Variants in PAPOLG observed in about 807,000 individuals in gnomAD.
PAPOLG encodes poly(A) polymerase gamma, also known as PAP-gamma.
In PAPOLG, 40 loss-of-function variants were observed where a neutral mutation model predicts 99.0. The ratio of observed to expected loss-of-function variants is 0.40; its 90% confidence interval spans 0.31 to 0.53. The LOEUF is 0.53. PAPOLG is among the 20% of genes least tolerant of loss of function. The pLI is 0.41. For missense variants in PAPOLG, 675 were observed against 884.1 expected (o/e 0.76, Z 3.00); for synonymous variants, 310 against 299.3 (o/e 1.04, Z -0.37).
rs370870316 is a variant in PAPOLG at position 60,759,616 on chromosome 2, C to T, written c.18-518C>T. ...AAGCAGAGGATGTTAACCTCGGTTTCCCAAGGACAAATCTAATTGTGATTT... is the reference window on the plus strand; with the variant it reads ...AAGCAGAGGATGTTAACCTCGGTTTTCCAAGGACAAATCTAATTGTGATTT... On this transcript the variant is annotated intron_variant, in intron 1 of 21. Transcript: ENST00000238714. 1.9e-3 allele frequency among the ~76,000 whole-genome samples: 296 copies of T among 152,252 alleles called. 10 individuals are homozygous for T. In the South Asian group the frequency reaches 0.055, roughly 28 times the overall value.
intron 3 of PAPOLG, among the ~76,000 whole-genome samples, chr2:60,764,996 AAT>A (rs1381914371): frequency 6.6e-6 from 1 of 152,240 alleles, no homozygotes; most frequent in African/African-American, 2.4e-5. Flanking sequence ...AGTCAAAAAA[AAT>A]AAAGTTAGTT....
intron 11 of PAPOLG, among the ~76,000 whole-genome samples, chr2:60,782,369 C>A (rs1188420242): frequency 6.6e-6 from 1 of 152,020 alleles, no homozygotes; most frequent in East Asian, 1.9e-4. Flanking sequence ...GAGTTCAAGA[C>A]CAGCCTAGCC....
rs955422506 is a variant in PAPOLG at position 60,774,919 on chromosome 2, C to T, written c.605-115C>T. ...AATTTCATACACATAAAATAAGCCC[C>T]AATGTTTTATTATCTTTCATATTTT... On this transcript the variant is annotated intron_variant, in intron 7 of 21. Transcript: ENST00000238714. The T allele has an allele frequency of 4.0e-6, 6 of 1,492,640 alleles. No homozygotes were observed. The Admixed American group carries it at 7.3e-5, about 18-fold the overall frequency. The allele number at this position is 1,492,640 out of a possible 1,614,324, so 92.5% of individuals were successfully genotyped here.
At chr2:60,758,941 G>T (rs903965666) in intron 1 of PAPOLG, among the ~76,000 whole-genome samples, 6 of 152,196 alleles carry the variant, frequency 3.9e-5, no homozygotes, top group Non-Finnish European at 8.8e-5. Flanking sequence ...TGGAAGCATG[G>T]TGAAGATAAA....
chr2:60,795,870 A>G (rs1400259875), intron 21 of PAPOLG, among the ~76,000 whole-genome samples: 1 of 152,124 alleles, frequency 6.6e-6, no homozygotes, highest in Non-Finnish European at 1.5e-5. Context: ...ACGTATAATT[A>G]TGTGTCATGG....
intron 15 of PAPOLG, 26 bp from the exon 16 acceptor site, chr2:60,791,735 C>T (rs779423770): frequency 6.4e-6 from 10 of 1,568,822 alleles, no homozygotes; most frequent in Non-Finnish European, 8.6e-6. Flanking sequence ...AGAAGTTTCC[C>T]ATTTAACATA....
chr2:60,786,555 G>C (rs1671367982), intron 13 of PAPOLG, among the ~76,000 whole-genome samples: 1 of 148,012 alleles, frequency 6.8e-6, no homozygotes, highest in South Asian at 2.2e-4. Context: ...TTGAGACGGA[G>C]TCTTGCTCTG....
intron 13 of PAPOLG, among the ~76,000 whole-genome samples, chr2:60,784,878 C>T (rs528843532): frequency 2.3e-3 from 347 of 152,244 alleles, no homozygotes; most frequent in African/African-American, 7.8e-3. Flanking sequence ...TTTGCCAACC[C>T]GTCATTTAGA....
chr2:60,793,721 T>TC lies in PAPOLG; in HGVS notation c.1768+6_1768+7insC, dbSNP rs1409882503. 1.2e-6 allele frequency: 2 copies of TC among 1,611,328 alleles called. No homozygotes were observed. Among genetic ancestry groups the TC allele is most frequent in the South Asian group, 2.2e-5 (2 of 90,588 alleles). ...CATTCCAGTGATTGGCGCAAGTAGG[T>TC]ATCTAAACTTGTATATATTAATAAT... On this transcript the variant is annotated splice_region_variant and intron_variant, in intron 18 of 21. Coordinates refer to ENST00000238714, the MANE Select transcript of PAPOLG (RefSeq NM_022894.4).
rs1671600403 is a variant in PAPOLG at position 60,793,321 on chromosome 2, C to T, written c.1680-306C>T. Among the ~76,000 whole-genome samples the T allele has an allele frequency of 2.0e-5, 3 of 151,002 alleles. No homozygotes were observed. The South Asian group carries it at 6.3e-4, about 32-fold the overall frequency. On this transcript the variant is annotated intron_variant, in intron 17 of 21. Transcript: ENST00000238714. Reference sequence around the variant, plus strand: ...TCTATAATTTCAGCACTTTGGGAGGCTGAGGCAGGAGGATTGCTTGAGCCT... The same window carrying T: ...TCTATAATTTCAGCACTTTGGGAGGTTGAGGCAGGAGGATTGCTTGAGCCT...
intron 1 of PAPOLG, among the ~76,000 whole-genome samples, chr2:60,759,298 G>T (rs1276155684): frequency 6.6e-6 from 1 of 151,870 alleles, no homozygotes; most frequent in Non-Finnish European, 1.5e-5. Flanking sequence ...AACCCAGGAG[G>T]CAGAGGTTGC....
intron 3 of PAPOLG, among the ~76,000 whole-genome samples, chr2:60,766,892 C>A (rs1455522466): frequency 6.6e-6 from 1 of 152,100 alleles, no homozygotes; most frequent in East Asian, 1.9e-4. Flanking sequence ...CAACAACAGG[C>A]CCAAGGATCC....
chr2:60,794,073 C>T lies in PAPOLG; in HGVS notation c.1871C>T (p.Pro624Leu), dbSNP rs1295335226. Reference protein sequence around the residue: ...VIPRITTPHNPAQGQPHLNGM... With the variant: ...VIPRITTPHNLAQGQPHLNGM... ...CCTAGAATCACAACACCTCACAACC[C>T]TGCCCAGGGACAACCGCATCTGAAT... The change falls in exon 19 of 22, where the codon CCT becomes CTT. Residue 624 changes from proline (P) to leucine (L), a missense_variant. Transcript: ENST00000238714. 2 of 1,614,118 alleles carry T rather than the reference C, an allele frequency of 1.2e-6. No individual in the cohort carries two copies. The highest frequency in any genetic ancestry group is 1.7e-5 in the Admixed American group (1 of 60,024).
intron 3 of PAPOLG, 123 bp downstream of exon 3, chr2:60,761,930 A>G: frequency 2.7e-6 from 2 of 746,042 alleles, no homozygotes; most frequent in Middle Eastern, 5.3e-4. Flanking sequence ...TGGTATATGT[A>G]GGAATGAATT....
chr2:60,795,751 C>A (rs2103830824), intron 21 of PAPOLG, among the ~76,000 whole-genome samples: 1 of 151,986 alleles, frequency 6.6e-6, no homozygotes, highest in Non-Finnish European at 1.5e-5. Context: ...TGTTACCCTG[C>A]CAGGTTCTCC....
intron 20 of PAPOLG, 37 bp downstream of exon 20, chr2:60,794,812 G>T (rs765963034): frequency 1.9e-6 from 3 of 1,557,836 alleles, no homozygotes; most frequent in Middle Eastern, 1.7e-4. Flanking sequence ...AATATTTATT[G>T]TAAAGCGCCA....
chr2:60,766,817 G>T (rs1670690988), intron 3 of PAPOLG, among the ~76,000 whole-genome samples: 1 of 152,122 alleles, frequency 6.6e-6, no homozygotes, highest in Non-Finnish European at 1.5e-5. Flanking sequence ...GGTAGTTGGA[G>T]CTTCAGAAAG....
chr2:60,772,640 C>T (rs139105880), intron 7 of PAPOLG, among the ~76,000 whole-genome samples: 6 of 151,870 alleles, frequency 4.0e-5, no homozygotes, highest in African/African-American at 1.2e-4. Flanking sequence ...CCCAGCTACT[C>T]GGGAGGCTGA....
At chr2:60,769,835 G>A (rs558401507) in intron 5 of PAPOLG, among the ~76,000 whole-genome samples, 341 of 152,128 alleles carry the variant, frequency 2.2e-3, no homozygotes, top group African/African-American at 7.8e-3. Flanking sequence ...CATGTGCCAT[G>A]GTGGTTTGCT....
Sources: allele counts gnomAD v4.1 joint callset (sites outside exome capture counted in the v4.1 genomes callset), GRCh38; gene constraint gnomAD v4.1.1; transcripts MANE v1.5; gene names NCBI Gene and HGNC (gene_info 2026-07-23, HGNC 2026-07-21).